The following GRAMD4 variants were observed in gnomAD, a reference collection of about 807,000 sequenced individuals.
The protein encoded by GRAMD4 is GRAM domain containing 4, also known as GRAM domain-containing protein 4.
Under a neutral mutation model 83.9 loss-of-function variants are expected in GRAMD4, and 25 were observed. That is an observed-to-expected ratio of 0.30 (90% CI 0.22 to 0.42). The LOEUF (loss-of-function observed/expected upper bound fraction) is 0.42. Among genes scored for constraint, GRAMD4 ranks in the 10% least tolerant of loss-of-function variants. The pLI is 1.00. For synonymous variants in GRAMD4, 336 were observed against 320.9 expected, an observed-to-expected ratio of 1.05 and a Z score of -0.50; for missense variants, 593 against 788.7, an observed-to-expected ratio of 0.75 and a Z score of 2.97.
At chr22:46,597,491 T>G (rs138892588) in intron 1 of GRAMD4, among the ~76,000 whole-genome samples, 1 of 152,060 alleles carries the variant, frequency 6.6e-6, no homozygotes. Flanking sequence ...ATCTATCTAT[T>G]TATTTATTTA....
rs1390513588 is a variant in GRAMD4 at position 46,672,323 on chromosome 22, C to T, written c.1085-520C>T. Among the ~76,000 whole-genome samples, 2 of 150,838 alleles carry T rather than the reference C, an allele frequency of 1.3e-5. No individual in the cohort carries two copies. Among genetic ancestry groups the T allele is most frequent in the Non-Finnish European group, 3.0e-5 (2 of 67,764 alleles). ...AACTTGCGAGGGCGTGGCTGGGAGCCGTCTGAGCAGCTGGTCATGGGCGGC... is the reference window on the plus strand; with the variant it reads ...AACTTGCGAGGGCGTGGCTGGGAGCTGTCTGAGCAGCTGGTCATGGGCGGC... On this transcript the variant is annotated intron_variant, in intron 13 of 18. Transcript: ENST00000406902. The surrounding 1 kb of genome is among the most constrained non-coding windows in gnomAD (Gnocchi z 4.7).
intron 6 of GRAMD4, 77 bp downstream of exon 6, chr22:46,663,249 A>G: frequency 7.3e-7 from 1 of 1,375,552 alleles, no homozygotes; most frequent in Non-Finnish European, 1.0e-6. Flanking sequence ...CGGGTGGGCC[A>G]TCCTTTATCA....
intron 1 of GRAMD4, among the ~76,000 whole-genome samples, chr22:46,598,571 C>T (rs972453717): frequency 4.0e-5 from 6 of 151,698 alleles, no homozygotes; most frequent in African/African-American, 9.7e-5. Flanking sequence ...GATTTGCTGA[C>T]TGCCGGCTCC....
At chr22:46,611,651 G>A (rs528836424) in intron 1 of GRAMD4, among the ~76,000 whole-genome samples, 2 of 152,162 alleles carry the variant, frequency 1.3e-5, no homozygotes, top group Admixed American at 6.5e-5. Flanking sequence ...CTTCTGAGGT[G>A]TGGATGGAAC....
intron 1 of GRAMD4, among the ~76,000 whole-genome samples, chr22:46,581,738 A>C (rs2081100905): frequency 6.6e-6 from 1 of 152,230 alleles, no homozygotes; most frequent in Non-Finnish European, 1.5e-5. Flanking sequence ...ACAGAGCCAC[A>C]GGTTGCTGCG....
Position 46,582,546 on chromosome 22 carries a change from G to A in GRAMD4, c.-50+5256G>A, listed in dbSNP as rs140397389. Among the ~76,000 whole-genome samples, 999 of 152,288 alleles carry A rather than the reference G, an allele frequency of 6.6e-3. 9 individuals carry two copies. The highest frequency in any genetic ancestry group is 0.02 in the Middle Eastern group (6 of 294). On this transcript the variant is annotated intron_variant, in intron 1 of 1. Coordinates refer to the GRAMD4 transcript ENST00000431155. ...CCCTTCTAGAAGGTGGGCTCCTGAA[G>A]TTAGGGGTCTCTGCTCATGTCCAGC...
intron 1 of GRAMD4, among the ~76,000 whole-genome samples, chr22:46,614,649 T>G (rs2081451582): frequency 1.3e-5 from 2 of 152,174 alleles, no homozygotes. Context: ...AAGCATTCTG[T>G]GGGAGTCAGT....
At chr22:46,592,297 GAC>G (rs1174996331) in intron 1 of GRAMD4, among the ~76,000 whole-genome samples, 2 of 152,132 alleles carry the variant, frequency 1.3e-5, no homozygotes, top group Non-Finnish European at 2.9e-5. Flanking sequence ...TTAAATAACT[GAC>G]TGCTTAATTG....
In GRAMD4 at chr22:46,597,089, G is replaced by A. The variant is rs190765225; in HGVS notation, c.-50+19799G>A. ...GTCCTGCCCTCCCCTGGGAATCGGC[G>A]GCCAGACCTTTGGGTCCTTTGGAGA... is the stretch of plus-strand genomic sequence containing the variant. On this transcript the variant is annotated intron_variant, in intron 1 of 1. Transcript: ENST00000431155. 2.2e-4 allele frequency among the ~76,000 whole-genome samples: 33 copies of A among 152,246 alleles called. No individual in the cohort carries two copies. In the South Asian group the frequency reaches 6.4e-3, roughly 30 times the overall value.
upstream of GRAMD4, among the ~76,000 whole-genome samples, chr22:46,616,452 G>A (rs1188367795): frequency 7.9e-6 from 1 of 126,822 alleles, no homozygotes; most frequent in Non-Finnish European, 1.6e-5. Flanking sequence ...GTGCGTGTAG[G>A]TTCCCCCGTG....
At chr22:46,644,600 G>A (rs1398299475) in intron 3 of GRAMD4, among the ~76,000 whole-genome samples, 1 of 150,540 alleles carries the variant, frequency 6.6e-6, no homozygotes, top group East Asian at 1.9e-4. Context: ...GGTTACATCT[G>A]TCCCTGTTCC....
intron 11 of GRAMD4, 132 bp downstream of exon 11, chr22:46,668,299 T>C (rs919703308): frequency 1.6e-6 from 1 of 638,656 alleles, no homozygotes; most frequent in Non-Finnish European, 2.8e-6. Context: ...TGCCTGACAC[T>C]GCAGGCCCGG....
At chr22:46,674,486 C>T in intron 15 of GRAMD4, 171 bp from the exon 16 acceptor site, 1 of 641,170 alleles carries the variant, frequency 1.6e-6, no homozygotes, top group Non-Finnish European at 2.8e-6. Context: ...CTGTTTTCCA[C>T]CCTCTGGGGC....
intron 8 of GRAMD4, 74 bp from the exon 9 acceptor site, chr22:46,665,538 TGGG>T: frequency 1.3e-6 from 1 of 776,200 alleles, no homozygotes; most frequent in South Asian, 1.5e-5. Context: ...GGCCGCCTGG[TGGG>T]GGGAGGCGGG....
rs1049332450 is a variant in GRAMD4, at chr22:46,659,847, T to A, written c.405-1534T>A. Among the ~76,000 whole-genome samples, 1 of 152,214 alleles carries A rather than the reference T, an allele frequency of 6.6e-6. No homozygotes were observed. Among genetic ancestry groups the A allele is most frequent in the Non-Finnish European group, 1.5e-5 (1 of 68,044 alleles). On this transcript the variant is annotated intron_variant, in intron 4 of 18. Transcript: ENST00000406902. This position sits in a 1 kb window ranked among gnomAD's most constrained non-coding sequence, Gnocchi z 4.1. ...CCTCGGCAGGCGCTTTACCTGATGC[T>A]GAACCTTCTGGGAAAATCCACAGAA...
At chr22:46,675,427 GT>G (rs1476679596) in intron 16 of GRAMD4, 40 bp from the exon 17 acceptor site, 1 of 1,441,242 alleles carries the variant, frequency 6.9e-7, no homozygotes. Context: ...GCGTGCTCTG[GT>G]TCAAGAGCCA....
At chr22:46,603,993 T>C (rs2081341574) in intron 1 of GRAMD4, among the ~76,000 whole-genome samples, 1 of 152,218 alleles carries the variant, frequency 6.6e-6, no homozygotes, top group Non-Finnish European at 1.5e-5. Context: ...AGAGCCAGCC[T>C]TATCTTTTTC....
Position 46,665,620 on chromosome 22 carries a change from C to T in GRAMD4, c.723C>T (p.Tyr241=), listed in dbSNP as rs774121546. Residue 241 remains tyrosine (Y), a synonymous_variant, in exon 9 of 19, where the codon TAC becomes TAT. Coordinates refer to ENST00000406902, the MANE Select transcript of GRAMD4 (RefSeq NM_015124.5). ...GCCCTGTCTCTCACCCGCAGGTGTACATGAATGCCGTGTGGCATGGCTGGG... is the reference window on the plus strand; with the variant it reads ...GCCCTGTCTCTCACCCGCAGGTGTATATGAATGCCGTGTGGCATGGCTGGG... The part of the protein sequence containing the change: ...VYTSAIAFTV[Y]MNAVWHGWAI... 6.3e-7 allele frequency: 1 copy of T among 1,576,608 alleles called. No homozygotes were observed. The highest frequency in any genetic ancestry group is 8.7e-7 in the Non-Finnish European group (1 of 1,146,930).
chr22:46,575,797 T>C (rs1349686723), upstream of GRAMD4, among the ~76,000 whole-genome samples: 1 of 152,226 alleles, frequency 6.6e-6, no homozygotes, highest in Non-Finnish European at 1.5e-5. Context: ...TGGGCAGCCC[T>C]TGCGGAAGCG....
Sources: allele counts gnomAD v4.1 joint callset (sites outside exome capture counted in the v4.1 genomes callset), GRCh38; gene constraint gnomAD v4.1.1; non-coding constraint Gnocchi (gnomAD v3.1); transcripts MANE v1.5; gene names NCBI Gene and HGNC (gene_info 2026-07-23, HGNC 2026-07-21).